GARNL3: variants seen among roughly 807,000 people sequenced by gnomAD.
GARNL3 encodes the protein GTPase activating Rap/RanGAP domain like 3.
Under a neutral mutation model 125.0 loss-of-function variants are expected in GARNL3, and 63 were observed. The ratio of observed to expected loss-of-function variants is 0.50; its 90% confidence interval spans 0.41 to 0.62. The LOEUF (loss-of-function observed/expected upper bound fraction) is 0.62. Ranked by LOEUF, GARNL3 falls within the 20% of genes least tolerant of loss-of-function variation. The pLI, the probability that GARNL3 is intolerant of heterozygous loss-of-function variation, is 0.00. For synonymous variants in GARNL3, 439 were observed against 457.5 expected, an observed-to-expected ratio of 0.96 and a Z score of 0.52; for missense variants, 994 against 1,244.0, an observed-to-expected ratio of 0.80 and a Z score of 3.02.
intron 9 of GARNL3, among the ~76,000 whole-genome samples, chr9:127,334,423 C>G (rs1225798390): frequency 6.6e-6 from 1 of 152,182 alleles, no homozygotes; most frequent in Non-Finnish European, 1.5e-5. Flanking sequence ...ACCAGCCTGC[C>G]ATGGCATCAC....
chr9:127,263,692 T>C (rs1479931791), upstream of GARNL3: 5 of 1,130,418 alleles, frequency 4.4e-6, no homozygotes, highest in Non-Finnish European at 5.4e-6. Flanking sequence ...CTGGGTAATA[T>C]CTGGAACACT....
chr9:127,360,920 T>C (rs755666440), intron 21 of GARNL3, among the ~76,000 whole-genome samples: 2 of 151,944 alleles, frequency 1.3e-5, no homozygotes, highest in Non-Finnish European at 2.9e-5. Context: ...ACTGTACCAG[T>C]GGGCCTGCTG....
rs946810419 is a variant in GARNL3, at chr9:127,242,262, T to TAA, written c.-28-814_-28-813dup. 6.6e-6 allele frequency among the ~76,000 whole-genome samples: 1 copy of TAA among 152,244 alleles called. No individual in the cohort carries two copies. Among genetic ancestry groups the TAA allele is most frequent in the African/African-American group, 2.4e-5 (1 of 41,464 alleles). ...AGTCCCCTTTGACCAAAGTGTTACA[T>TAA]AAAATTGCTTTTTATTTTTCCATTT... On this transcript the variant is annotated intron_variant, in intron 1 of 10. Coordinates refer to the GARNL3 transcript ENST00000439286. This position sits in a 1 kb window ranked among gnomAD's most constrained non-coding sequence, Gnocchi z 4.6.
chr9:127,363,485 A>G (rs1268068180), intron 21 of GARNL3: 1 of 152,456 alleles, frequency 6.6e-6, no homozygotes, highest in Non-Finnish European at 1.5e-5. Context: ...GGGGCACCCA[A>G]GCCCAGGCAG....
intron 2 of GARNL3, among the ~76,000 whole-genome samples, chr9:127,298,630 C>A (rs2064683879): frequency 6.6e-6 from 1 of 152,148 alleles, no homozygotes. Flanking sequence ...GTAATGAACA[C>A]CTTCATCCAT....
chr9:127,386,835 G>A (rs1306047590), intron 24 of GARNL3, among the ~76,000 whole-genome samples: 2 of 152,340 alleles, frequency 1.3e-5, no homozygotes, highest in Non-Finnish European at 2.9e-5. Flanking sequence ...GGGCCTAACT[G>A]AATCCCTAAG....
At chr9:127,349,347 T>C (rs1245720405) in intron 17 of GARNL3, among the ~76,000 whole-genome samples, 1 of 152,114 alleles carries the variant, frequency 6.6e-6, no homozygotes, top group Admixed American at 6.5e-5. Flanking sequence ...AACATTTTAC[T>C]TTAAATCAAC....
intron 22 of GARNL3, among the ~76,000 whole-genome samples, chr9:127,379,449 C>CA (rs1385706030): frequency 2.0e-5 from 3 of 152,186 alleles, no homozygotes; most frequent in Non-Finnish European, 4.4e-5. Context: ...CTGAGACTGT[C>CA]AGAGTCATGG....
intron 1 of GARNL3, among the ~76,000 whole-genome samples, chr9:127,267,662 C>G (rs560294125): frequency 6.6e-6 from 1 of 152,294 alleles, no homozygotes; most frequent in East Asian, 1.9e-4. Flanking sequence ...GAAATTCTGA[C>G]TGCAGTGTTT....
chr9:127,353,078 T>G (rs1157386856), intron 17 of GARNL3, among the ~76,000 whole-genome samples: 1 of 152,178 alleles, frequency 6.6e-6, no homozygotes, highest in Non-Finnish European at 1.5e-5. Flanking sequence ...AGGAGCAAAG[T>G]AATTGTTAGC....
At chr9:127,279,648 G>A (rs2064052765) in intron 1 of GARNL3, among the ~76,000 whole-genome samples, 1 of 152,070 alleles carries the variant, frequency 6.6e-6, no homozygotes, top group Non-Finnish European at 1.5e-5. Flanking sequence ...GACAGCAATG[G>A]CTATTCTGAA....
upstream of GARNL3, among the ~76,000 whole-genome samples, chr9:127,261,614 T>C (rs2063593455): frequency 1.3e-5 from 2 of 151,970 alleles, no homozygotes; most frequent in African/African-American, 4.8e-5. Flanking sequence ...GGTTTCTCCA[T>C]GTTGGTCATG....
chr9:127,353,157 A>G (rs1830500746), intron 17 of GARNL3, among the ~76,000 whole-genome samples: 1 of 152,186 alleles, frequency 6.6e-6, no homozygotes, highest in Admixed American at 6.5e-5. Flanking sequence ...TGAACCATCC[A>G]TTTATTGGAG....
intron 2 of GARNL3, among the ~76,000 whole-genome samples, chr9:127,306,414 C>T (rs1045144444): frequency 6.6e-6 from 1 of 152,134 alleles, no homozygotes; most frequent in East Asian, 1.9e-4. Context: ...GAAACCCCGT[C>T]TGTACTAAAA....
chr9:127,271,184 A>G (rs1381471155), intron 1 of GARNL3, among the ~76,000 whole-genome samples: 2 of 150,360 alleles, frequency 1.3e-5, no homozygotes, highest in Non-Finnish European at 2.9e-5. Flanking sequence ...AGCTCAAACT[A>G]AAAGCACTTA....
intron 2 of GARNL3, among the ~76,000 whole-genome samples, chr9:127,250,732 A>T (rs2063387430): frequency 6.6e-6 from 1 of 152,096 alleles, no homozygotes. Context: ...AGGGATGTGG[A>T]TCTTCATCAT....
At chr9:127,325,968 T>C (rs1488015774) in intron 7 of GARNL3, among the ~76,000 whole-genome samples, 1 of 152,208 alleles carries the variant, frequency 6.6e-6, no homozygotes, top group Non-Finnish European at 1.5e-5. Context: ...ATCCTGACCC[T>C]GGCCTGCTGG....
intron 4 of GARNL3, among the ~76,000 whole-genome samples, chr9:127,317,311 G>T (rs951360909): frequency 6.6e-6 from 1 of 152,170 alleles, no homozygotes; most frequent in Non-Finnish European, 1.5e-5. Flanking sequence ...GTCTCTGAAA[G>T]ATTCAGGGGA....
At chr9:127,348,340 G>T (rs1007118265) in intron 16 of GARNL3, among the ~76,000 whole-genome samples, 3 of 152,202 alleles carry the variant, frequency 2.0e-5, no homozygotes, top group African/African-American at 7.2e-5. Flanking sequence ...GCTTGGTATA[G>T]ATATGTCATG....
Sources: allele counts gnomAD v4.1 joint callset (sites outside exome capture counted in the v4.1 genomes callset), GRCh38; gene constraint gnomAD v4.1.1; non-coding constraint Gnocchi (gnomAD v3.1); transcripts MANE v1.5; gene names NCBI Gene and HGNC (gene_info 2026-07-23, HGNC 2026-07-21).